PLCXD3: variants seen among roughly 807,000 people sequenced by gnomAD.
PLCXD3 encodes PI-PLC X domain-containing protein 3.
Under a neutral mutation model 25.5 loss-of-function variants are expected in PLCXD3, and 19 were observed. The observed-to-expected ratio is 0.75, with a 90% CI of 0.52 to 1.09. The LOEUF is 1.09. Among genes scored for constraint, PLCXD3 ranks in the 50% least tolerant of loss-of-function variants. PLCXD3 has a pLI of 0.00. For missense variants in PLCXD3, 411 were observed against 388.1 expected, an observed-to-expected ratio of 1.06 and a Z score of -0.50; for synonymous variants, 174 against 137.6, an observed-to-expected ratio of 1.26 and a Z score of -1.85.
intron 1 of PLCXD3, among the ~76,000 whole-genome samples, chr5:41,462,858 CT>C (rs1747924686): frequency 6.6e-6 from 1 of 151,818 alleles, no homozygotes; most frequent in African/African-American, 2.4e-5. Context: ...AGAATTAAAA[CT>C]GCCCATTTTC....
chr5:41,475,266 C>T (rs1431829329), intron 1 of PLCXD3, among the ~76,000 whole-genome samples: 1 of 152,194 alleles, frequency 6.6e-6, no homozygotes, highest in African/African-American at 2.4e-5. Context: ...TTGCTGCCAG[C>T]AGACTTGTAA....
chr5:41,348,798 G>T (rs1196128596), intron 2 of PLCXD3, among the ~76,000 whole-genome samples: 1 of 152,122 alleles, frequency 6.6e-6, no homozygotes, highest in African/African-American at 2.4e-5. Flanking sequence ...TACCATGACT[G>T]CTTGGCAAAG....
rs544142636 is a variant in PLCXD3 at position 41,368,488 on chromosome 5, T to C, written c.812+13338A>G. ...GGATTATGCCATCCACAAACAAAGA[T>C]AGTTTGACTTTCTCTCTTCCTATTC... On this transcript the variant is annotated intron_variant, in intron 2 of 2. Transcript: ENST00000377801. Among the ~76,000 whole-genome samples, 4 of 152,298 alleles carry C rather than the reference T, an allele frequency of 2.6e-5. No individual in the cohort carries two copies. In the South Asian group the frequency reaches 8.3e-4, roughly 32 times the overall value.
intron 2 of PLCXD3, among the ~76,000 whole-genome samples, chr5:41,365,188 A>G (rs1222885917): frequency 1.3e-5 from 2 of 152,162 alleles, no homozygotes; most frequent in African/African-American, 2.4e-5. Flanking sequence ...ATTTTTCACC[A>G]TAGAAATTTT....
rs557962378 is a variant in PLCXD3 at position 41,331,539 on chromosome 5, G to T, written c.813-17769C>A. 1.5e-4 allele frequency among the ~76,000 whole-genome samples: 23 copies of T among 152,140 alleles called. 1 individual carries two copies. The South Asian group carries it at 4.4e-3, about 29-fold the overall frequency. On this transcript the variant is annotated intron_variant, in intron 2 of 2. Coordinates refer to ENST00000377801, the MANE Select transcript of PLCXD3 (RefSeq NM_001005473.3). ...TGCCCAAGGTAATTTGTAGATTCAA[G>T]GCCATCCCCATCAAGCTACCAATGA... is the stretch of plus-strand genomic sequence containing the variant.
At chr5:41,380,989 A>G (rs1745441384) in intron 2 of PLCXD3, among the ~76,000 whole-genome samples, 1 of 152,164 alleles carries the variant, frequency 6.6e-6, no homozygotes, top group Non-Finnish European at 1.5e-5. Flanking sequence ...ACCATTCCTT[A>G]TAAGGCTGCG....
intron 1 of PLCXD3, among the ~76,000 whole-genome samples, chr5:41,474,024 T>C (rs1748228397): frequency 6.6e-6 from 1 of 152,170 alleles, no homozygotes; most frequent in African/African-American, 2.4e-5. Flanking sequence ...GAGACCATCA[T>C]TACAACCGTT....
chr5:41,392,443 C>T (rs1687095012), intron 1 of PLCXD3, among the ~76,000 whole-genome samples: 1 of 152,126 alleles, frequency 6.6e-6, no homozygotes, highest in Non-Finnish European at 1.5e-5. Flanking sequence ...TATCCTGGAT[C>T]TGAACCAAGA....
chr5:41,361,166 T>C (rs1259906508), intron 2 of PLCXD3, among the ~76,000 whole-genome samples: 1 of 151,872 alleles, frequency 6.6e-6, no homozygotes, highest in East Asian at 1.9e-4. Flanking sequence ...GTCATACAGG[T>C]CACCAGGGAA....
intron 1 of PLCXD3, among the ~76,000 whole-genome samples, chr5:41,478,945 C>T (rs375663561): frequency 2.6e-5 from 4 of 152,078 alleles, no homozygotes; most frequent in African/African-American, 9.7e-5. Flanking sequence ...CTCGTGAGAA[C>T]TCACTATCAT....
chr5:41,347,609 C>A (rs1744336652), intron 2 of PLCXD3, among the ~76,000 whole-genome samples: 1 of 152,186 alleles, frequency 6.6e-6, no homozygotes, highest in South Asian at 2.1e-4. Flanking sequence ...TAGTTACCAA[C>A]CTATAGTTGT....
intron 2 of PLCXD3, among the ~76,000 whole-genome samples, chr5:41,367,672 C>A (rs553781093): frequency 1.3e-5 from 2 of 152,058 alleles, no homozygotes; most frequent in Non-Finnish European, 2.9e-5. Flanking sequence ...ATTTTGGCTT[C>A]TGTTGCAACT....
intron 1 of PLCXD3, among the ~76,000 whole-genome samples, chr5:41,474,402 C>G (rs1311337668): frequency 2.0e-5 from 3 of 152,194 alleles, no homozygotes; most frequent in Non-Finnish European, 4.4e-5. Context: ...TTATGAGAAA[C>G]AGTTTGCTGT....
chr5:41,471,181 C>T (rs748185616), intron 1 of PLCXD3, among the ~76,000 whole-genome samples: 5 of 152,176 alleles, frequency 3.3e-5, no homozygotes, highest in Non-Finnish European at 7.3e-5. Context: ...ACTATCTACA[C>T]AAACAAAGCA....
intron 2 of PLCXD3, among the ~76,000 whole-genome samples, chr5:41,327,539 T>A (rs182102640): frequency 6.6e-6 from 1 of 152,312 alleles, no homozygotes; most frequent in Admixed American, 6.5e-5. Flanking sequence ...AAAGCTTTAA[T>A]TCATTCATAT....
At chr5:41,433,143 C>A (rs996742358) in intron 1 of PLCXD3, among the ~76,000 whole-genome samples, 2 of 152,162 alleles carry the variant, frequency 1.3e-5, no homozygotes, top group Non-Finnish European at 2.9e-5. Context: ...GCCTTTCTTG[C>A]CTTTGTGGCT....
chr5:41,417,430 T>C (rs1746719575), intron 1 of PLCXD3, among the ~76,000 whole-genome samples: 1 of 152,068 alleles, frequency 6.6e-6, no homozygotes, highest in Non-Finnish European at 1.5e-5. Context: ...ACTTGACTAA[T>C]GACCAAGAGA....
At chr5:41,432,511 G>A (rs895872537) in intron 1 of PLCXD3, among the ~76,000 whole-genome samples, 29 of 152,220 alleles carry the variant, frequency 1.9e-4, no homozygotes, top group African/African-American at 7.0e-4. Flanking sequence ...GTCTTAAAAC[G>A]TTTAGTGATA....
intron 1 of PLCXD3, among the ~76,000 whole-genome samples, chr5:41,402,142 G>C (rs891051863): frequency 6.6e-6 from 1 of 151,272 alleles, no homozygotes; most frequent in Non-Finnish European, 1.5e-5. Context: ...GGTTTAATTT[G>C]TTCCTTTTTT....
Sources: gnomAD v4.1 joint callset for allele counts (sites outside exome capture counted in the v4.1 genomes callset) on GRCh38, gnomAD v4.1.1 for gene constraint, MANE v1.5 for transcripts, NCBI Gene and HGNC (gene_info 2026-07-23, HGNC 2026-07-21) for gene names.